The following RSPH10B variants were observed in gnomAD, a reference collection of about 807,000 sequenced individuals.
RSPH10B encodes the protein radial spoke head 10 homolog B (Chlamydomonas).
Under a neutral mutation model 52.5 loss-of-function variants are expected in RSPH10B, and 7 were observed. That is an observed-to-expected ratio of 0.13 (90% confidence interval 0.08 to 0.25). RSPH10B has a LOEUF of 0.25. Among genes scored for constraint, RSPH10B ranks in the 10% least tolerant of loss-of-function variants. The probability of loss-of-function intolerance (pLI) is 1.00; values close to 1 mark genes in which losing one functional copy is unlikely to be tolerated. For missense variants in RSPH10B, 89 were observed against 542.5 expected (o/e 0.16, Z 8.30); for synonymous variants, 28 against 193.2 (o/e 0.14, Z 7.09).
Position 5,927,045 on chromosome 7 carries a change from G to GTGTGTGTGTGTA in RSPH10B, c.2433-498_2433-497insTACACACACACA, listed in dbSNP as rs71762251. On this transcript the variant is annotated intron_variant, in intron 18 of 18. Transcript: ENST00000337579. ...TACGTGTGTGTGTGTGTGTGTGTGT[G>GTGTGTGTGTGTA]TATTATGTGTGTGTGTGTGTGTATA... Among the ~76,000 whole-genome samples the GTGTGTGTGTGTA allele has an allele frequency of 4.8e-3, 584 of 122,806 alleles. 1 individual carries two copies. The highest frequency in any genetic ancestry group is 0.013 in the South Asian group (51 of 3,830). The allele number at this position is 122,806 out of a possible 152,430, so 80.6% of individuals were successfully genotyped here. A position where few individuals can be genotyped will look rare whatever the true frequency, so the allele number is the denominator to read the frequency against.
chr7:5,945,369 AG>A (rs146310870), intron 10 of RSPH10B, among the ~76,000 whole-genome samples, 191 bp from the exon 13 acceptor site: 40,652 of 147,164 alleles, frequency 0.28, 3,319 homozygotes, highest in Non-Finnish European at 0.35. Context: ...CTGTAATCCC[AG>A]CACTTTGGGA....
chr7:5,932,691 TA>T (rs1311416205), intron 17 of RSPH10B, 90 bp downstream of exon 19: 2 of 270,794 alleles, frequency 7.4e-6, no homozygotes, highest in East Asian at 7.9e-5. Flanking sequence ...AACTAAAAAT[TA>T]AAAAAAGATG....
chr7:5,954,864 A>G (rs1780690593), intron 7 of RSPH10B, among the ~76,000 whole-genome samples: 1 of 77,056 alleles, frequency 1.3e-5, no homozygotes, highest in East Asian at 9.7e-4. Flanking sequence ...TAGGAAATCA[A>G]TGACCATTGA....
intron 7 of RSPH10B, among the ~76,000 whole-genome samples, chr7:5,955,033 C>T (rs1184225002): frequency 1.6e-5 from 2 of 127,828 alleles, no homozygotes; most frequent in African/African-American, 2.8e-5. Context: ...GGCGTGGTGG[C>T]GCACACCTGT....
intron 13 of RSPH10B, among the ~76,000 whole-genome samples, chr7:5,942,720 G>C (rs1479578849): frequency 2.5e-4 from 37 of 150,630 alleles, no homozygotes; most frequent in African/African-American, 8.8e-4. Context: ...AAATTAGCCA[G>C]GTGTGGTGGC....
chr7:5,933,534 TG>T (rs1779877817), intron 16 of RSPH10B, among the ~76,000 whole-genome samples: 1 of 138,952 alleles, frequency 7.2e-6, no homozygotes, highest in African/African-American at 2.5e-5. Context: ...CCGAGACAGG[TG>T]GATCACAAGG....
chr7:5,944,102 G>A, intron 11 of RSPH10B, 112 bp from the exon 14 acceptor site: 6 of 1,379,394 alleles, frequency 4.3e-6, no homozygotes, highest in Non-Finnish European at 9.7e-7. Flanking sequence ...AATGTATAGA[G>A]TATAGAAAGG....
At chr7:5,941,273 G>A (rs1307537150) in intron 13 of RSPH10B, among the ~76,000 whole-genome samples, 2 of 142,862 alleles carry the variant, frequency 1.4e-5, no homozygotes, top group Non-Finnish European at 3.1e-5. Context: ...CTGTACTCCA[G>A]CCTGGGTGAC....
chr7:5,930,845 T>C lies in RSPH10B; in HGVS notation c.2233+1937A>G, dbSNP rs1333969425. 3.4e-3 allele frequency among the ~76,000 whole-genome samples: 141 copies of C among 41,020 alleles called. 1 individual carries two copies. Among genetic ancestry groups the C allele is most frequent in the African/African-American group, 0.014 (138 of 9,932 alleles). The allele number at this position is 41,020 out of a possible 152,430, so 26.9% of individuals were successfully genotyped here. On this transcript the variant is annotated intron_variant, in intron 17 of 18. Coordinates refer to ENST00000337579, the Ensembl canonical transcript of RSPH10B. Reference sequence around the variant, plus strand: ...AGATGCCTAGCAGCAAAGGTGAGCATGTACACAGCCCCCCAAGATGCCTAG... The same window carrying C: ...AGATGCCTAGCAGCAAAGGTGAGCACGTACACAGCCCCCCAAGATGCCTAG...
rs371806690 is a variant in RSPH10B, at chr7:5,957,899, G to A, written c.780+8C>T. On this transcript the variant is annotated splice_region_variant and intron_variant, in intron 6 of 18. Coordinates refer to ENST00000337579, the Ensembl canonical transcript of RSPH10B. ...CTGGGTATAAGCTGCTACCCCGCCC[G>A]GGCGTACCTGGATGCCCCTCTCCCA... 2.9e-5 allele frequency: 39 copies of A among 1,323,132 alleles called. No individual in the cohort carries two copies. Among genetic ancestry groups the A allele is most frequent in the South Asian group, 4.6e-5 (3 of 64,942 alleles). The allele number at this position is 1,323,132 out of a possible 1,614,324, so 82.0% of individuals were successfully genotyped here.
At chr7:5,943,525 A>T in intron 12 of RSPH10B, 53 bp from the exon 15 acceptor site, 1 of 1,609,046 alleles carries the variant, frequency 6.2e-7, no homozygotes, top group Non-Finnish European at 8.5e-7. Context: ...TGAGAAAAAA[A>T]TAGCAGTAAA....
Position 5,931,411 on chromosome 7 carries a change from GGCCA to G in RSPH10B, c.2233+1367_2233+1370del, listed in dbSNP as rs1236138252. 2.0e-5 allele frequency among the ~76,000 whole-genome samples: 3 copies of G among 151,538 alleles called. No homozygotes were observed. The Admixed American group carries it at 2.0e-4, about 10-fold the overall frequency. On this transcript the variant is annotated intron_variant, in intron 17 of 18. Coordinates refer to ENST00000337579, the Ensembl canonical transcript of RSPH10B. ...AAAGTCCACCATTGAGTGGGCGGCCGGCCATAGAGAGACACCGTCAGAAAAGGGG... is the reference window on the plus strand; with the variant it reads ...AAAGTCCACCATTGAGTGGGCGGCCGTAGAGAGACACCGTCAGAAAAGGGG...
In RSPH10B at chr7:5,954,133, G is replaced by A. The variant is rs564175293; in HGVS notation, c.958-914C>T. On this transcript the variant is annotated intron_variant, in intron 7 of 18. Coordinates refer to ENST00000337579, the Ensembl canonical transcript of RSPH10B. ...GTTGGGATTACAGGCGTGAGCCATC[G>A]TGCCCCACAATTTTTTTTTTTTTTT... 6.5e-5 allele frequency among the ~76,000 whole-genome samples: 8 copies of A among 122,508 alleles called. 1 individual carries two copies. The South Asian group carries it at 9.6e-4, about 15-fold the overall frequency. 80.4% of individuals were successfully genotyped at this position (122,508 alleles called of 152,430 possible).
At chr7:5,941,521 G>C (rs1780185254) in intron 13 of RSPH10B, among the ~76,000 whole-genome samples, 1 of 149,196 alleles carries the variant, frequency 6.7e-6, no homozygotes, top group Admixed American at 6.8e-5. Flanking sequence ...GACACGGGCG[G>C]ATCACGAGGT....
At chr7:5,927,064 G>GTGTA (rs1562553217) in intron 18 of RSPH10B, among the ~76,000 whole-genome samples, 11 of 103,820 alleles carry the variant, frequency 1.1e-4, no homozygotes, top group Admixed American at 4.0e-4. Context: ...GTGTGTGTGT[G>GTGTA]TGTATATGTG....
intron 12 of RSPH10B, among the ~76,000 whole-genome samples, 168 bp downstream of exon 14, chr7:5,943,743 G>C (rs1177888711): frequency 1.3e-5 from 2 of 150,970 alleles, no homozygotes; most frequent in Non-Finnish European, 2.9e-5. Flanking sequence ...ATGGGGTTTT[G>C]CCATGTTGGC....
At chr7:5,933,492 G>A (rs1234853471) in intron 16 of RSPH10B, among the ~76,000 whole-genome samples, 3 of 139,118 alleles carry the variant, frequency 2.2e-5, no homozygotes, top group Non-Finnish European at 4.9e-5. Context: ...AGGCGTGGTG[G>A]CTCATGCCTG....
At position 5,945,187 on chromosome 7, in the gene RSPH10B, AG is replaced by A. The variant is rs773749215; in HGVS notation, c.1415-10del. On this transcript the variant is annotated splice_polypyrimidine_tract_variant and intron_variant, in intron 10 of 18. Transcript: ENST00000337579. ...TGGTATGTCATTATTGGCTAAAATA[AG>A]AAAATTGGAGAGGATGCCTGACATT... 12 of 564,336 alleles carry A rather than the reference AG, an allele frequency of 2.1e-5. No individual in the cohort carries two copies. The highest frequency in any genetic ancestry group is 3.5e-5 in the Non-Finnish European group (11 of 311,390). The allele number at this position is 564,336 out of a possible 1,614,324, so 35.0% of individuals were successfully genotyped here.
intron 4 of RSPH10B, among the ~76,000 whole-genome samples, chr7:5,960,380 T>C (rs1780880382): frequency 2.0e-5 from 1 of 50,026 alleles, no homozygotes; most frequent in African/African-American, 8.1e-5. Flanking sequence ...ACCATTGCAC[T>C]CCCGCCTGGG....
Sources: gnomAD v4.1 joint callset for allele counts (sites outside exome capture counted in the v4.1 genomes callset) on GRCh38, gnomAD v4.1.1 for gene constraint, MANE v1.5 for transcripts, NCBI Gene and HGNC (gene_info 2026-07-23, HGNC 2026-07-21) for gene names.